Variants in GPR161 observed in about 807,000 individuals in gnomAD.
The protein encoded by GPR161 is G protein-coupled receptor 161.
GPR161 carries 25 observed loss-of-function variants against 39.2 expected under a neutral mutation model. That is an observed-to-expected ratio of 0.64 (90% CI 0.47 to 0.89). The LOEUF (loss-of-function observed/expected upper bound fraction) is 0.89. Ranked by LOEUF, GPR161 falls within the 40% of genes least tolerant of loss-of-function variation. The probability of loss-of-function intolerance (pLI) is 0.00; values close to 1 mark genes in which losing one functional copy is unlikely to be tolerated. For missense variants in GPR161, 547 were observed against 677.8 expected (o/e 0.81, Z 2.14); for synonymous variants, 286 against 276.6 (o/e 1.03, Z -0.34).
rs1427846850 is a variant in GPR161, at chr1:168,083,218, G to C, written c.*2313C>G. 1 of 152,242 alleles carries C rather than the reference G, an allele frequency of 6.6e-6. No homozygotes were observed. The highest frequency in any genetic ancestry group is 1.9e-4 in the East Asian group (1 of 5,192). The allele number at this position is 152,242 out of a possible 1,614,324, so 9.4% of individuals were successfully genotyped here. ...TACACTGGATGTGCAGTGTCTGGTA[G>C]ACGACTAAATGAATTGGACCTCAGT... On this transcript the variant is annotated 3_prime_UTR_variant, in exon 6 of 6. Transcript: ENST00000682931.
At chr1:168,096,485 T>C (rs1226323625) in intron 3 of GPR161, 23 bp downstream of exon 3, 1 of 1,603,702 alleles carries the variant, frequency 6.2e-7, no homozygotes, top group Admixed American at 1.7e-5. Context: ...TCGGAGGGGC[T>C]ATCCTAACAA....
intron 1 of GPR161, among the ~76,000 whole-genome samples, chr1:168,125,882 C>T (rs1227001723): frequency 6.6e-6 from 1 of 152,154 alleles, no homozygotes; most frequent in Non-Finnish European, 1.5e-5. Context: ...TCCCAAAGTG[C>T]TGGGATTACA....
chr1:168,082,177 A>G lies in GPR161; in HGVS notation c.*3354T>C, dbSNP rs1694121110. 1 of 152,226 alleles carries G rather than the reference A, an allele frequency of 6.6e-6. No individual in the cohort carries two copies. The highest frequency in any genetic ancestry group is 6.5e-5 in the Admixed American group (1 of 15,286). The allele number at this position is 152,226 out of a possible 1,614,324, so 9.4% of individuals were successfully genotyped here. On this transcript the variant is annotated 3_prime_UTR_variant, in exon 6 of 6. Transcript: ENST00000682931. ...GCTCCTCAAATAAGAATCAAGGAAC[A>G]TTGGCACTAGATGGCCCTTGTCTTA...
rs948783351 is a variant in GPR161 at position 168,093,653 on chromosome 1, T to G, written c.1099+2855A>C. On this transcript the variant is annotated intron_variant, in intron 3 of 5. Coordinates refer to ENST00000682931, the MANE Select transcript of GPR161 (RefSeq NM_001375883.1). The stretch of plus-strand genomic sequence containing the variant: ...ATCAGATCATCCTTCATACCTCTAG[T>G]TAACACTAAGGTGAGCCAGTGGCAG... Among the ~76,000 whole-genome samples the G allele has an allele frequency of 3.9e-5, 6 of 152,228 alleles. No homozygotes were observed. In the East Asian group the frequency reaches 1.2e-3, roughly 29 times the overall value.
chr1:168,085,489 G>A lies in GPR161; in HGVS notation c.*42C>T. On this transcript the variant is annotated 3_prime_UTR_variant, in exon 6 of 6. Coordinates refer to ENST00000682931, the MANE Select transcript of GPR161 (RefSeq NM_001375883.1). ...AGGCGGTGATGGGAACTCCTCCCCG[G>A]GCCAGCCTCTCAGGCTGCAGCCCCA... is the stretch of plus-strand genomic sequence containing the variant. 6.3e-7 allele frequency: 1 copy of A among 1,577,396 alleles called. No homozygotes were observed. Among genetic ancestry groups the A allele is most frequent in the Non-Finnish European group, 8.6e-7 (1 of 1,156,120 alleles).
At position 168,081,925 on chromosome 1, in the gene GPR161, T is replaced by C. The variant is rs749624530; in HGVS notation, c.*3606A>G. The C allele has an allele frequency of 6.6e-6, 1 of 152,284 alleles. No individual in the cohort carries two copies. Among genetic ancestry groups the C allele is most frequent in the Non-Finnish European group, 1.5e-5 (1 of 68,038 alleles). 9.4% of individuals were successfully genotyped at this position (152,284 alleles called of 1,614,324 possible). On this transcript the variant is annotated 3_prime_UTR_variant, in exon 6 of 6. Transcript: ENST00000682931. ...AGGGCTCAAGGCTGAACACATGTTG[T>C]GAATGTATCTTGTGGTCCATCCAGA...
In GPR161 at chr1:168,080,450, T is replaced by C. The variant is rs1477772938; in HGVS notation, c.*5081A>G. On this transcript the variant is annotated 3_prime_UTR_variant, in exon 6 of 6. Transcript: ENST00000682931. Reference sequence around the variant, plus strand: ...TCCCAACCCACAAGGACAGTATGGCTCTGCTCCTTCTTATAGGCATATATG... The same window carrying C: ...TCCCAACCCACAAGGACAGTATGGCCCTGCTCCTTCTTATAGGCATATATG... 1 of 152,256 alleles carries C rather than the reference T, an allele frequency of 6.6e-6. No homozygotes were observed. The highest frequency in any genetic ancestry group is 1.5e-5 in the Non-Finnish European group (1 of 68,064). The allele number at this position is 152,256 out of a possible 1,614,324, so 9.4% of individuals were successfully genotyped here. A position where few individuals can be genotyped will look rare whatever the true frequency, so the allele number is the denominator to read the frequency against.
intron 1 of GPR161, among the ~76,000 whole-genome samples, chr1:168,129,292 G>A (rs968976166): frequency 1.1e-4 from 17 of 152,134 alleles, no homozygotes; most frequent in African/African-American, 3.9e-4. Flanking sequence ...AAATGAGCTC[G>A]GCGTGTTTAA....
Position 168,081,199 on chromosome 1 carries a change from G to C in GPR161, c.*4332C>G, listed in dbSNP as rs1236131776. ...ATTTTTAATAGAAAATCTCATTTTG[G>C]CTCCCTTAGACTTCTCAAGTTCCAG... On this transcript the variant is annotated 3_prime_UTR_variant, in exon 6 of 6. Coordinates refer to ENST00000682931, the MANE Select transcript of GPR161 (RefSeq NM_001375883.1). 2.6e-5 allele frequency: 4 copies of C among 152,004 alleles called. No individual in the cohort carries two copies. The highest frequency in any genetic ancestry group is 5.9e-5 in the Non-Finnish European group (4 of 68,014). The allele number at this position is 152,004 out of a possible 1,614,324, so 9.4% of individuals were successfully genotyped here. A position where few individuals can be genotyped will look rare whatever the true frequency, so the allele number is the denominator to read the frequency against.
At position 168,098,983 on chromosome 1, in the gene GPR161, G is replaced by A. The variant is rs1340546552; in HGVS notation, c.375-1751C>T. Among the ~76,000 whole-genome samples the A allele has an allele frequency of 4.6e-5, 7 of 152,198 alleles. No individual in the cohort carries two copies. The highest frequency in any genetic ancestry group is 1.7e-4 in the African/African-American group (7 of 41,446). ...CTTCAGTTCCCTCATCTGGAAAATG[G>A]GAATTCTGGCACCCACATCACAGGT... On this transcript the variant is annotated intron_variant, in intron 2 of 5. Coordinates refer to ENST00000682931, the MANE Select transcript of GPR161 (RefSeq NM_001375883.1). The surrounding 1 kb of genome is among the most constrained non-coding windows in gnomAD (Gnocchi z 4.1).
intron 1 of GPR161, among the ~76,000 whole-genome samples, chr1:168,108,510 A>AAAAAAAAAAAAAAC (rs1696843017): frequency 6.7e-6 from 1 of 148,184 alleles, no homozygotes; most frequent in Non-Finnish European, 1.5e-5. Flanking sequence ...AAAAAAAAAA[A>AAAAAAAAAAAAAAC]AACTGGAAAT....
At chr1:168,105,092 A>AT (rs569821054) in intron 1 of GPR161, among the ~76,000 whole-genome samples, 198 bp from the exon 2 acceptor site, 42 of 152,270 alleles carry the variant, frequency 2.8e-4, no homozygotes, top group Admixed American at 1.8e-3. Flanking sequence ...AATTCATTAC[A>AT]TCCCCCTGAC....
rs1003083514 is a variant in GPR161, at chr1:168,098,734, T to C, written c.375-1502A>G. 6.6e-6 allele frequency among the ~76,000 whole-genome samples: 1 copy of C among 152,228 alleles called. No individual in the cohort carries two copies. The highest frequency in any genetic ancestry group is 1.5e-5 in the Non-Finnish European group (1 of 68,036). ...AGAGAGCATTTCCGGCTATGCGGCC[T>C]GAGGAGAAGATTGCGCAGTGATTAG... On this transcript the variant is annotated intron_variant, in intron 2 of 5. Coordinates refer to ENST00000682931, the MANE Select transcript of GPR161 (RefSeq NM_001375883.1). This position sits in a 1 kb window ranked among gnomAD's most constrained non-coding sequence, Gnocchi z 4.1.
At chr1:168,108,494 A>AAAAC (rs1696832595) in intron 1 of GPR161, among the ~76,000 whole-genome samples, 2 of 140,124 alleles carry the variant, frequency 1.4e-5, no homozygotes, top group Non-Finnish European at 3.1e-5. Context: ...TGTAAAAAAA[A>AAAAC]AAAAAAAAAA....
Position 168,096,669 on chromosome 1 carries a change from G to T in GPR161, c.938C>A (p.Ser313Tyr). Residue 313 changes from serine to tyrosine, a missense_variant, in exon 3 of 6, where the codon TCC becomes TAC. By Grantham distance (144) the Ser-to-Tyr change is moderately radical (BLOSUM62 -2). Coordinates refer to ENST00000682931, the MANE Select transcript of GPR161 (RefSeq NM_001375883.1). Reference sequence around the variant, plus strand: ...GGGGTGGCAGACAGCGCTGGCAAAGGACAGCCATGTGGCCCAAGTCTCCAG... The same window carrying T: ...GGGGTGGCAGACAGCGCTGGCAAAGTACAGCCATGTGGCCCAAGTCTCCAG... ...PSLETWATWL[S>Y]FASAVCHPLI... 3.1e-6 allele frequency: 5 copies of T among 1,614,174 alleles called. No homozygotes were observed. Among genetic ancestry groups the T allele is most frequent in the Non-Finnish European group, 4.2e-6 (5 of 1,180,036 alleles).
rs1694661946 is a variant in GPR161, at chr1:168,087,624, T to C, written c.1285A>G (p.Ser429Gly). ...ACTTCATCCTCAAATGTCACCGAGCTCCTTCTCTTGGGTGGGCAAGTGCAG... is the reference window on the plus strand; with the variant it reads ...ACTTCATCCTCAAATGTCACCGAGCCCCTTCTCTTGGGTGGGCAAGTGCAG... ...SHCTCPPKRRSSVTFEDEVEQ... is the reference protein window; with the variant it reads ...SHCTCPPKRRGSVTFEDEVEQ... Residue 429 changes from serine to glycine, a missense_variant, in exon 5 of 6, where the codon AGC (serine) becomes GGC (glycine). By Grantham distance (56) the Ser-to-Gly change is moderately conservative. Transcript: ENST00000682931. The C allele has an allele frequency of 1.2e-6, 2 of 1,614,034 alleles. No homozygotes were observed. The highest frequency in any genetic ancestry group is 1.7e-6 in the Non-Finnish European group (2 of 1,179,994).
intron 4 of GPR161, among the ~76,000 whole-genome samples, chr1:168,090,179 C>A (rs2102110016): frequency 6.6e-6 from 1 of 152,302 alleles, no homozygotes; most frequent in Non-Finnish European, 1.5e-5. Context: ...CTTGAGATAA[C>A]ACAGCTCTTA....
intron 1 of GPR161, among the ~76,000 whole-genome samples, chr1:168,110,704 A>G (rs1023940079): frequency 2.6e-5 from 4 of 152,114 alleles, no homozygotes; most frequent in South Asian, 2.1e-4. Context: ...TGGGTGGATC[A>G]CCTGAAGTCA....
At chr1:168,099,057 G>A (rs1467074861) in intron 2 of GPR161, among the ~76,000 whole-genome samples, 1 of 152,214 alleles carries the variant, frequency 6.6e-6, no homozygotes, top group African/African-American at 2.4e-5. Flanking sequence ...CCCGGATGGT[G>A]CCTACCCTTC....
Sources: allele counts gnomAD v4.1 joint callset (sites outside exome capture counted in the v4.1 genomes callset), GRCh38; gene constraint gnomAD v4.1.1; non-coding constraint Gnocchi (gnomAD v3.1); transcripts MANE v1.5; gene names NCBI Gene and HGNC (gene_info 2026-07-23, HGNC 2026-07-21).